Variants in POFUT3 observed in about 807,000 individuals in gnomAD.
The protein encoded by POFUT3 is protein O-fucosyltransferase 3.
chr8:33,467,549 C>T, the POFUT3 span, among the ~76,000 whole-genome samples: 3 of 152,230 alleles, frequency 2.0e-5, no homozygotes, highest in African/African-American at 4.8e-5. Context: ...GACTCTCACT[C>T]ACCAATCCTC....
At chr8:33,436,246 A>G in the POFUT3 span, 1 of 1,356,676 alleles carries the variant, frequency 7.4e-7, no homozygotes, top group Non-Finnish European at 1.0e-6. Context: ...ATTCTCATGC[A>G]CAACAACAGC....
chr8:33,424,157 G>GA, the POFUT3 span, among the ~76,000 whole-genome samples: 625 of 151,842 alleles, frequency 4.1e-3, 2 homozygotes, highest in African/African-American at 0.015. Context: ...AAAAATATGA[G>GA]AAAGAACATG....
the POFUT3 span, among the ~76,000 whole-genome samples, chr8:33,427,448 G>A: frequency 6.6e-6 from 1 of 152,004 alleles, no homozygotes; most frequent in Non-Finnish European, 1.5e-5. Context: ...GCATGGTGGT[G>A]CATGCCTGTA....
At chr8:33,351,573 T>A in the POFUT3 span, among the ~76,000 whole-genome samples, 1 of 152,158 alleles carries the variant, frequency 6.6e-6, no homozygotes. Context: ...CCAGCACCAC[T>A]TCCTCTTCCA....
chr8:33,407,867 G>C, the POFUT3 span, among the ~76,000 whole-genome samples: 2 of 151,036 alleles, frequency 1.3e-5, no homozygotes, highest in Non-Finnish European at 3.0e-5. Context: ...GCCAGGCATG[G>C]TGGCACACAT....
At chr8:33,377,146 C>T in the POFUT3 span, among the ~76,000 whole-genome samples, 2 of 151,812 alleles carry the variant, frequency 1.3e-5, no homozygotes, top group Non-Finnish European at 2.9e-5. Flanking sequence ...GCAGGAGAAT[C>T]ACTTGAAGCT....
the POFUT3 span, among the ~76,000 whole-genome samples, chr8:33,449,783 T>C: frequency 2.0e-5 from 3 of 152,072 alleles, no homozygotes; most frequent in African/African-American, 7.2e-5. Flanking sequence ...ACCTCAGATA[T>C]TACTTGTAAT....
At chr8:33,407,618 T>C in the POFUT3 span, among the ~76,000 whole-genome samples, 1 of 152,224 alleles carries the variant, frequency 6.6e-6, no homozygotes, top group Non-Finnish European at 1.5e-5. Context: ...ATCAGGTAAG[T>C]AATGCAAGCC....
At chr8:33,393,648 G>A in the POFUT3 span, among the ~76,000 whole-genome samples, 1 of 152,178 alleles carries the variant, frequency 6.6e-6, no homozygotes. Flanking sequence ...TACTAATGCA[G>A]TGTGAATCAC....
At chr8:33,459,381 C>A in the POFUT3 span, among the ~76,000 whole-genome samples, 587 of 152,018 alleles carry the variant, frequency 3.9e-3, 28 homozygotes, top group East Asian at 0.11. Flanking sequence ...TGGCTCACAC[C>A]TGCAATCTCA....
At chr8:33,421,978 A>G in the POFUT3 span, among the ~76,000 whole-genome samples, 1 of 132,276 alleles carries the variant, frequency 7.6e-6, no homozygotes, top group Non-Finnish European at 1.6e-5. Context: ...CAACTTCCCT[A>G]GATCAAATGG....
chr8:33,460,649 G>A, the POFUT3 span: 1 of 834,446 alleles, frequency 1.2e-6, no homozygotes, highest in Non-Finnish European at 1.4e-6. Flanking sequence ...GACCCAGGAA[G>A]ACAGACTGAG....
chr8:33,445,456 G>A, the POFUT3 span, among the ~76,000 whole-genome samples: 2 of 152,154 alleles, frequency 1.3e-5, no homozygotes, highest in Admixed American at 1.3e-4. Context: ...CTCTACTCCT[G>A]AGAATGGGTC....
chr8:33,401,962 G>T, the POFUT3 span, among the ~76,000 whole-genome samples: 1 of 152,028 alleles, frequency 6.6e-6, no homozygotes, highest in East Asian at 1.9e-4. Flanking sequence ...AAGAGGCAGA[G>T]GTTCAGTGAG....
chr8:33,311,723 A>G, the POFUT3 span, among the ~76,000 whole-genome samples: 1 of 152,132 alleles, frequency 6.6e-6, no homozygotes, highest in African/African-American at 2.4e-5. Flanking sequence ...GCAATTCCCA[A>G]AAGTCAGTGG....
At chr8:33,358,930 G>T in the POFUT3 span, among the ~76,000 whole-genome samples, 1 of 152,078 alleles carries the variant, frequency 6.6e-6, no homozygotes, top group Non-Finnish European at 1.5e-5. Flanking sequence ...GAACCAGGAA[G>T]CAGTCCCACA....
the POFUT3 span, among the ~76,000 whole-genome samples, chr8:33,359,923 T>C: frequency 4.6e-5 from 7 of 151,866 alleles, no homozygotes; most frequent in African/African-American, 1.7e-4. Context: ...AGAGAATTGC[T>C]TACACCCGGG....
the POFUT3 span, among the ~76,000 whole-genome samples, chr8:33,443,411 G>A: frequency 2.0e-5 from 3 of 152,242 alleles, no homozygotes; most frequent in East Asian, 1.9e-4. Flanking sequence ...CTGCTCCAAC[G>A]CTTTCAGGTG....
At chr8:33,344,596 G>A in the POFUT3 span, among the ~76,000 whole-genome samples, 1 of 152,218 alleles carries the variant, frequency 6.6e-6, no homozygotes, top group Non-Finnish European at 1.5e-5. Flanking sequence ...GATGAAAACG[G>A]AAATGCATCC....
Sources: allele counts gnomAD v4.1 joint callset (sites outside exome capture counted in the v4.1 genomes callset), GRCh38; gene constraint gnomAD v4.1.1; transcripts MANE v1.5; gene names NCBI Gene and HGNC (gene_info 2026-07-23, HGNC 2026-07-21).